The following FBXW11 variants were observed in gnomAD, a reference collection of about 807,000 sequenced individuals.
The protein encoded by FBXW11 is F-box and WD repeat domain containing 11.
In FBXW11, 19 loss-of-function variants were observed where a neutral mutation model predicts 77.6. That is an observed-to-expected ratio of 0.24 (90% CI 0.17 to 0.36). The LOEUF (loss-of-function observed/expected upper bound fraction) is 0.36. Ranked by LOEUF, FBXW11 falls within the 10% of genes least tolerant of loss-of-function variation. FBXW11 has a pLI of 1.00. For synonymous variants in FBXW11, 235 were observed against 249.4 expected (o/e 0.94, Z 0.54); for missense variants, 334 against 704.2 (o/e 0.47, Z 5.95).
At chr5:171,960,631 A>G (rs1450969704) in intron 1 of FBXW11, among the ~76,000 whole-genome samples, 1 of 152,256 alleles carries the variant, frequency 6.6e-6, no homozygotes, top group African/African-American at 2.4e-5. Context: ...ACAGATTGTG[A>G]GAACAGGAAG....
chr5:171,961,429 T>C (rs1446083228), intron 1 of FBXW11, among the ~76,000 whole-genome samples: 1 of 152,160 alleles, frequency 6.6e-6, no homozygotes, highest in South Asian at 2.1e-4. Flanking sequence ...TTGCTGAAAA[T>C]CATCTCTACT....
chr5:171,891,494 G>C lies in FBXW11; in HGVS notation c.825C>G (p.Ile275Met), dbSNP rs1270591278. The change falls in exon 7 of 14, where the codon ATC (isoleucine) becomes ATG (methionine). Residue 275 changes from isoleucine (I) to methionine (M), a missense_variant. Ile to Met is a conservative substitution (Grantham distance 10, BLOSUM62 1). Around this residue, in one of 10 missense-constraint regions of FBXW11, gnomAD observed 70 missense variants for 136.6 expected, o/e 0.51. Coordinates refer to ENST00000517395, the MANE Select transcript of FBXW11 (RefSeq NM_001378974.1). ...YCLQYDDEKI[I>M]SGLRDNSIKI... ...TAATAGAATTATCTCGTAGGCCACTGATAATTTTTTCATCATCGTACTGTA... is the reference window on the plus strand; with the variant it reads ...TAATAGAATTATCTCGTAGGCCACTCATAATTTTTTCATCATCGTACTGTA... 3 of 1,594,426 alleles carry C rather than the reference G, an allele frequency of 1.9e-6. No homozygotes were observed. The highest frequency in any genetic ancestry group is 2.6e-6 in the Non-Finnish European group (3 of 1,171,910).
intron 7 of FBXW11, among the ~76,000 whole-genome samples, chr5:171,889,744 T>A (rs1433196958): frequency 6.6e-6 from 1 of 151,572 alleles, no homozygotes; most frequent in Non-Finnish European, 1.5e-5. Flanking sequence ...AAAAAGTAGC[T>A]GGGCATGGTG....
chr5:171,910,518 C>T, intron 4 of FBXW11, 54 bp downstream of exon 4: 1 of 1,316,914 alleles, frequency 7.6e-7, no homozygotes, highest in Non-Finnish European at 1.1e-6. Context: ...CACCTAGGTC[C>T]TTGGGCCGGG....
At chr5:171,894,687 T>C (rs1759617465) in intron 6 of FBXW11, among the ~76,000 whole-genome samples, 1 of 55,062 alleles carries the variant, frequency 1.8e-5, no homozygotes, top group Non-Finnish European at 4.1e-5. Context: ...ATAACCCAGG[T>C]CTTTTTTTTT....
At chr5:172,000,241 G>A (rs988142611) in intron 1 of FBXW11, among the ~76,000 whole-genome samples, 38 of 152,144 alleles carry the variant, frequency 2.5e-4, no homozygotes, top group African/African-American at 7.7e-4. Context: ...TTTGATGATG[G>A]TAAGAATAAG....
At chr5:171,872,381 T>G (rs1757808156) in intron 10 of FBXW11, among the ~76,000 whole-genome samples, 1 of 151,718 alleles carries the variant, frequency 6.6e-6, no homozygotes, top group Non-Finnish European at 1.5e-5. Context: ...ATTGAAGGGA[T>G]GTTCTTAGTA....
rs563437231 is a variant in FBXW11 at position 171,989,449 on chromosome 5, C to A, written c.45+17009G>T. ...GCCTCCTGATATGACTCAATGTGAA[C>A]TGCACTTCACCTATGATGAAGCATT... On this transcript the variant is annotated intron_variant, in intron 1 of 13. Coordinates refer to ENST00000517395, the MANE Select transcript of FBXW11 (RefSeq NM_001378974.1). Among the ~76,000 whole-genome samples the A allele has an allele frequency of 2.0e-5, 3 of 152,350 alleles. No homozygotes were observed. The South Asian group carries it at 6.2e-4, about 32-fold the overall frequency.
chr5:171,915,401 C>T (rs1052367088), intron 2 of FBXW11, among the ~76,000 whole-genome samples: 1 of 152,170 alleles, frequency 6.6e-6, no homozygotes, highest in African/African-American at 2.4e-5. Flanking sequence ...TTATGTTCTA[C>T]AAGTCCTAAA....
At chr5:171,996,026 T>C (rs1042046117) in intron 1 of FBXW11, among the ~76,000 whole-genome samples, 3 of 152,182 alleles carry the variant, frequency 2.0e-5, no homozygotes, top group Admixed American at 6.5e-5. Flanking sequence ...ACGAGCTCCA[T>C]TTCACTAGCT....
chr5:171,872,247 T>C (rs1363432156), intron 10 of FBXW11, among the ~76,000 whole-genome samples: 1 of 152,236 alleles, frequency 6.6e-6, no homozygotes, highest in Non-Finnish European at 1.5e-5. Context: ...TCTTGAATCC[T>C]ATCTTTATTT....
chr5:171,942,375 CT>C (rs1203163668), intron 2 of FBXW11, among the ~76,000 whole-genome samples: 1 of 151,922 alleles, frequency 6.6e-6, no homozygotes, highest in African/African-American at 2.4e-5. Flanking sequence ...GTTATTTGGT[CT>C]TTGCGGGACT....
chr5:171,948,254 A>ACTGGGTT (rs1488861437), intron 2 of FBXW11, among the ~76,000 whole-genome samples: 1 of 151,336 alleles, frequency 6.6e-6, no homozygotes, highest in Non-Finnish European at 1.5e-5. Flanking sequence ...AAAAAAAAAA[A>ACTGGGTT]CTGGGTTATA....
intron 1 of FBXW11, among the ~76,000 whole-genome samples, chr5:171,989,564 C>T (rs145757880): frequency 3.3e-5 from 5 of 152,258 alleles, no homozygotes; most frequent in South Asian, 2.1e-4. Context: ...AATGACACCA[C>T]GAGGAAATAA....
At chr5:171,905,315 T>C (rs914658100) in intron 4 of FBXW11, among the ~76,000 whole-genome samples, 2 of 152,170 alleles carry the variant, frequency 1.3e-5, no homozygotes, top group Non-Finnish European at 2.9e-5. Flanking sequence ...TGAAATAAAT[T>C]ACATCATATA....
At chr5:171,952,459 T>A (rs868785080) in intron 2 of FBXW11, among the ~76,000 whole-genome samples, 5 of 27,580 alleles carry the variant, frequency 1.8e-4, no homozygotes, top group African/African-American at 3.9e-4. Context: ...TTTTTTTTTT[T>A]TTTTTTTTTT....
At chr5:172,005,680 C>T (rs753475955) in intron 1 of FBXW11, among the ~76,000 whole-genome samples, 8 of 151,982 alleles carry the variant, frequency 5.3e-5, no homozygotes, top group Non-Finnish European at 1.2e-4. Flanking sequence ...GAAGAAAGAC[C>T]TCGCGGCAGT....
chr5:171,931,525 A>C (rs1762187532), intron 2 of FBXW11, among the ~76,000 whole-genome samples: 1 of 152,242 alleles, frequency 6.6e-6, no homozygotes, highest in Non-Finnish European at 1.5e-5. Flanking sequence ...AATTAACTGA[A>C]TACAGATTAC....
chr5:171,900,175 A>G (rs894905852), intron 4 of FBXW11, 75 bp from the exon 5 acceptor site: 83 of 1,271,034 alleles, frequency 6.5e-5, no homozygotes, highest in Middle Eastern at 1.9e-4. Context: ...CTTAAAGATA[A>G]GAGGAATAAA....
Sources: allele counts gnomAD v4.1 joint callset (sites outside exome capture counted in the v4.1 genomes callset), GRCh38; gene constraint gnomAD v4.1.1; regional missense constraint gnomAD v4.1.1; transcripts MANE v1.5; gene names NCBI Gene and HGNC (gene_info 2026-07-23, HGNC 2026-07-21).